ACSS3: variants seen among roughly 807,000 people sequenced by gnomAD.
ACSS3 encodes the protein acyl-CoA synthetase short chain family member 3, also known as acyl-CoA synthetase short-chain family member 3, mitochondrial.
ACSS3 carries 64 observed loss-of-function variants against 84.2 expected under a neutral mutation model. That is an observed-to-expected ratio of 0.76 (90% CI 0.62 to 0.94). ACSS3 has a LOEUF of 0.94. Ranked by LOEUF, ACSS3 falls within the 40% of genes least tolerant of loss-of-function variation. The pLI, the probability that ACSS3 is intolerant of heterozygous loss-of-function variation, is 0.00. For missense variants in ACSS3, 815 were observed against 867.6 expected (o/e 0.94, Z 0.76); for synonymous variants, 317 against 310.1 (o/e 1.02, Z -0.23).
chr12:81,234,883 GA>G (rs1481505846), intron 13 of ACSS3, among the ~76,000 whole-genome samples: 1 of 151,058 alleles, frequency 6.6e-6, no homozygotes, highest in East Asian at 2.0e-4. Flanking sequence ...CCATAACAGA[GA>G]AAAAAATACT....
intron 3 of ACSS3, among the ~76,000 whole-genome samples, chr12:81,135,848 A>T (rs1885773013): frequency 6.6e-6 from 1 of 152,164 alleles, no homozygotes; most frequent in Admixed American, 6.6e-5. Flanking sequence ...AGTCAGTCCT[A>T]TGTGAAAGAC....
intron 8 of ACSS3, 87 bp from the exon 9 acceptor site, chr12:81,199,254 T>G: frequency 8.9e-7 from 1 of 1,124,808 alleles, no homozygotes; most frequent in Admixed American, 2.2e-5. Flanking sequence ...ACATAATGAG[T>G]GTGGTTAACC....
At chr12:81,172,259 C>CAAAAA (rs775755412) in intron 7 of ACSS3, among the ~76,000 whole-genome samples, 2 of 56,982 alleles carry the variant, frequency 3.5e-5, no homozygotes, top group Admixed American at 2.6e-4. Flanking sequence ...GGCTCTGTCT[C>CAAAAA]AAAAAAAAAA....
intron 9 of ACSS3, among the ~76,000 whole-genome samples, chr12:81,205,341 C>T (rs925528252): frequency 2.6e-5 from 4 of 152,056 alleles, no homozygotes; most frequent in Non-Finnish European, 5.9e-5. Flanking sequence ...TGACAGTAGA[C>T]AACTGAGGCA....
At chr12:81,126,881 G>GA (rs1885135350) in intron 2 of ACSS3, among the ~76,000 whole-genome samples, 2 of 152,056 alleles carry the variant, frequency 1.3e-5, no homozygotes, top group South Asian at 4.1e-4. Flanking sequence ...TTCATTTGAA[G>GA]AAAATTATTT....
chr12:81,243,151 T>G (rs1054447728), intron 13 of ACSS3, among the ~76,000 whole-genome samples: 2 of 152,104 alleles, frequency 1.3e-5, no homozygotes, highest in African/African-American at 4.8e-5. Flanking sequence ...GATAAGCAAC[T>G]TCAGCAAAGT....
At chr12:81,093,245 T>G (rs1223802737) in intron 1 of ACSS3, among the ~76,000 whole-genome samples, 1 of 151,614 alleles carries the variant, frequency 6.6e-6, no homozygotes. Context: ...GGGTCAGGAG[T>G]TCGAGACCAT....
intron 5 of ACSS3, among the ~76,000 whole-genome samples, chr12:81,148,033 A>C (rs914892138): frequency 6.6e-6 from 1 of 151,900 alleles, no homozygotes; most frequent in Non-Finnish European, 1.5e-5. Flanking sequence ...TTTGCCTTGT[A>C]TGATTCTTTA....
chr12:81,133,050 A>G (rs936401862), intron 2 of ACSS3, among the ~76,000 whole-genome samples: 8 of 152,014 alleles, frequency 5.3e-5, no homozygotes, highest in Admixed American at 4.6e-4. Flanking sequence ...GCGTCTTTGA[A>G]GTTCTTGAAA....
chr12:81,234,920 T>A (rs2135977049), intron 13 of ACSS3, among the ~76,000 whole-genome samples: 1 of 151,488 alleles, frequency 6.6e-6, no homozygotes, highest in South Asian at 2.1e-4. Flanking sequence ...TTCTAATTTA[T>A]CATTTTTTTC....
intron 2 of ACSS3, among the ~76,000 whole-genome samples, chr12:81,111,730 G>A (rs898655196): frequency 2.0e-5 from 3 of 152,140 alleles, no homozygotes; most frequent in African/African-American, 4.8e-5. Flanking sequence ...CTGTCAAGGC[G>A]TCTATCATAC....
At chr12:81,117,343 A>G (rs1377920695) in intron 2 of ACSS3, among the ~76,000 whole-genome samples, 3 of 152,208 alleles carry the variant, frequency 2.0e-5, no homozygotes, top group African/African-American at 7.2e-5. Flanking sequence ...AGATAATACA[A>G]TATAAATTAG....
At chr12:81,189,732 T>C (rs1409980953) in intron 8 of ACSS3, among the ~76,000 whole-genome samples, 1 of 152,160 alleles carries the variant, frequency 6.6e-6, no homozygotes, top group Non-Finnish European at 1.5e-5. Flanking sequence ...TTTTGATTAC[T>C]GCTTTTCAAG....
At chr12:81,185,488 A>G (rs2031204025) in intron 8 of ACSS3, among the ~76,000 whole-genome samples, 1 of 151,846 alleles carries the variant, frequency 6.6e-6, no homozygotes, top group Admixed American at 6.6e-5. Flanking sequence ...TGAAATCACT[A>G]AATTGCAGAA....
intron 8 of ACSS3, among the ~76,000 whole-genome samples, chr12:81,198,901 A>G (rs1040423096): frequency 7.2e-5 from 11 of 152,320 alleles, no homozygotes; most frequent in South Asian, 2.1e-4. Flanking sequence ...GAACAAATTC[A>G]TATTTATAAG....
chr12:81,203,879 G>A (rs553279827), intron 9 of ACSS3, among the ~76,000 whole-genome samples: 7 of 151,956 alleles, frequency 4.6e-5, no homozygotes, highest in East Asian at 1.9e-4. Context: ...TGAACTTTTC[G>A]TTTTATTTTT....
intron 8 of ACSS3, among the ~76,000 whole-genome samples, chr12:81,191,639 G>A (rs1593179603): frequency 1.3e-5 from 2 of 152,000 alleles, no homozygotes; most frequent in South Asian, 2.1e-4. Context: ...TCTGTGGCTT[G>A]GTATCTTTCA....
chr12:81,247,047 T>C (rs1221724195), intron 13 of ACSS3, among the ~76,000 whole-genome samples: 3 of 125,100 alleles, frequency 2.4e-5, no homozygotes, highest in Non-Finnish European at 5.5e-5. Context: ...TTTTTTTGAG[T>C]AAAAGGAAGG....
At chr12:81,082,036 C>T (rs897363561) in intron 1 of ACSS3, among the ~76,000 whole-genome samples, 7 of 152,142 alleles carry the variant, frequency 4.6e-5, no homozygotes, top group African/African-American at 1.2e-4. Context: ...CACACAGCAG[C>T]GTGAAAGACA....
Sources: allele counts gnomAD v4.1 joint callset (sites outside exome capture counted in the v4.1 genomes callset), GRCh38; gene constraint gnomAD v4.1.1; transcripts MANE v1.5; gene names NCBI Gene and HGNC (gene_info 2026-07-23, HGNC 2026-07-21).